DPH6: variants seen among roughly 807,000 people sequenced by gnomAD.
The protein encoded by DPH6 is diphthine--ammonia ligase.
A neutral mutation model predicts 38.2 loss-of-function variants in DPH6; 33 were observed. That is an observed-to-expected ratio of 0.86 (90% confidence interval 0.65 to 1.15). The LOEUF (loss-of-function observed/expected upper bound fraction) is 1.15. Among genes scored for constraint, DPH6 ranks in the 50% most tolerant of loss-of-function variants. The probability of loss-of-function intolerance (pLI) is 0.00; values close to 1 mark genes in which losing one functional copy is unlikely to be tolerated. For synonymous variants in DPH6, 108 were observed against 103.0 expected, an observed-to-expected ratio of 1.05 and a Z score of -0.30; for missense variants, 325 against 320.0, an observed-to-expected ratio of 1.02 and a Z score of -0.12.
intron 3 of DPH6, chr15:35,237,252 A>AAAGTGCTAAAACGCGCGGC (rs1333136295): frequency 9.6e-6 from 13 of 1,353,222 alleles, no homozygotes; most frequent in Non-Finnish European, 1.4e-5. Context: ...TTGAGCCTTG[A>AAAGTGCTAAAACGCGCGGC]AAGTGCTAAA....
intron 3 of DPH6, among the ~76,000 whole-genome samples, chr15:35,525,429 C>T (rs75960994): frequency 6.6e-6 from 1 of 152,142 alleles, no homozygotes; most frequent in Non-Finnish European, 1.5e-5. Flanking sequence ...CTCTCAGGAT[C>T]TACCTCATGT....
At chr15:35,443,659 T>C (rs962450895) in intron 5 of DPH6, among the ~76,000 whole-genome samples, 37 of 152,170 alleles carry the variant, frequency 2.4e-4, no homozygotes, top group African/African-American at 8.7e-4. Context: ...AACCCTTCCT[T>C]TGAAATGTAA....
chr15:35,522,106 T>C (rs757705669), intron 3 of DPH6: 6 of 1,612,688 alleles, frequency 3.7e-6, no homozygotes, highest in Non-Finnish European at 5.1e-6. Context: ...TACTTCACAT[T>C]TTGCAATCTC....
the DPH6 span, among the ~76,000 whole-genome samples, chr15:35,204,292 C>A: frequency 1.5e-4 from 23 of 151,858 alleles, no homozygotes; most frequent in African/African-American, 5.5e-4. Context: ...TTGATTAAAG[C>A]AAAGTCCAAA....
At chr15:35,383,694 C>A (rs1353197195) in intron 6 of DPH6, among the ~76,000 whole-genome samples, 1 of 152,162 alleles carries the variant, frequency 6.6e-6, no homozygotes, top group African/African-American at 2.4e-5. Flanking sequence ...GCTGAGGAAC[C>A]AGGAAATAGT....
chr15:35,328,760 G>A (rs2032184595), downstream of DPH6, among the ~76,000 whole-genome samples: 1 of 152,194 alleles, frequency 6.6e-6, no homozygotes, highest in Admixed American at 6.5e-5. Context: ...TTATGGGTCA[G>A]TGTATTAGTC....
chr15:35,259,546 CG>C (rs201829654), intron 3 of DPH6, among the ~76,000 whole-genome samples: 5,429 of 152,232 alleles, frequency 0.036, 385 homozygotes, highest in East Asian at 0.34. Context: ...TTCTACATTT[CG>C]TTTTTATATT....
At chr15:35,372,450 T>C in intron 8 of DPH6, 1 of 290,246 alleles carries the variant, frequency 3.4e-6, no homozygotes, top group East Asian at 5.8e-5. Context: ...TACACATGAA[T>C]TCAGTGCTTT....
intron 3 of DPH6, chr15:35,282,880 G>A (rs568999352): frequency 3.8e-5 from 13 of 341,694 alleles, no homozygotes; most frequent in Non-Finnish European, 6.0e-5. Flanking sequence ...AGACCCCATC[G>A]GGGGGTTCCA....
downstream of DPH6, among the ~76,000 whole-genome samples, chr15:35,366,367 G>A (rs2052660452): frequency 6.6e-6 from 1 of 151,784 alleles, no homozygotes; most frequent in African/African-American, 2.4e-5. Flanking sequence ...GAGTTCAATG[G>A]AAAGTTTTAA....
chr15:35,489,800 T>C (rs1164848384), intron 3 of DPH6: 3 of 981,402 alleles, frequency 3.1e-6, no homozygotes, highest in East Asian at 1.1e-4. Flanking sequence ...TCTACCTTCA[T>C]GTGCCGTTTT....
chr15:35,392,019 G>A (rs2140960328), intron 6 of DPH6, among the ~76,000 whole-genome samples: 1 of 132,488 alleles, frequency 7.5e-6, no homozygotes, highest in South Asian at 2.5e-4. Flanking sequence ...AGTGTGCTGT[G>A]TTCTCTTTTA....
chr15:35,265,517 G>A (rs1320229900), intron 3 of DPH6, among the ~76,000 whole-genome samples: 1 of 152,204 alleles, frequency 6.6e-6, no homozygotes, highest in Non-Finnish European at 1.5e-5. Flanking sequence ...AAGGTCTGGT[G>A]TGAATCTTAA....
Position 35,257,422 on chromosome 15 carries a change from G to A in DPH6, n.201-36840C>T, listed in dbSNP as rs181391101. On this transcript the variant is annotated intron_variant and non_coding_transcript_variant, in intron 3 of 3. Transcript: ENST00000560386. The stretch of plus-strand genomic sequence containing the variant: ...TTCCATACTCATGAATGAGAGATCC[G>A]CACTTCTTCAAAAGGTTGTTGATTG... 1.1e-3 allele frequency among the ~76,000 whole-genome samples: 172 copies of A among 152,226 alleles called. 1 individual carries two copies. The highest frequency in any genetic ancestry group is 2.4e-3 in the Admixed American group (37 of 15,284).
chr15:35,485,867 C>G (rs1003427588), intron 3 of DPH6, among the ~76,000 whole-genome samples: 2 of 152,144 alleles, frequency 1.3e-5, no homozygotes, highest in Non-Finnish European at 2.9e-5. Flanking sequence ...GCTTCTTAAG[C>G]CAGGACTCTT....
intron 3 of DPH6, among the ~76,000 whole-genome samples, chr15:35,292,858 C>T (rs144136054): frequency 1.3e-5 from 2 of 152,066 alleles, no homozygotes; most frequent in Admixed American, 1.3e-4. Context: ...TCTCATCTGT[C>T]GTAATATGTT....
chr15:35,534,364 C>CAAAAAAAA, intron 3 of DPH6, among the ~76,000 whole-genome samples: 1 of 125,020 alleles, frequency 8.0e-6, no homozygotes. Context: ...GCAACAAGAG[C>CAAAAAAAA]GTAACTCTGT....
Position 35,452,989 on chromosome 15 carries a change from T to C in DPH6, c.386+1758A>G, listed in dbSNP as rs117331198. Among the ~76,000 whole-genome samples the C allele has an allele frequency of 3.4e-3, 519 of 152,256 alleles. 3 individuals are homozygous for C. In the East Asian group the frequency reaches 0.042, roughly 12 times the overall value. On this transcript the variant is annotated intron_variant, in intron 4 of 8. Transcript: ENST00000256538. ...TTGTCCATAAAAAAATAAATCTTAG[T>C]TTAAAAAGGTAGAGAGGCTGTTTTG...
chr15:35,360,962 A>C lies in DPH6; in HGVS notation n.207+12559T>G, dbSNP rs1424639005. On this transcript the variant is annotated intron_variant and non_coding_transcript_variant, in intron 3 of 3. Coordinates refer to the DPH6 transcript ENST00000558973. ...GCAGGACTTCTCCCTACAGCAAAGC[A>C]GGGCTGTAGCTGAGTCACAGGTCTC... 2.0e-5 allele frequency among the ~76,000 whole-genome samples: 3 copies of C among 152,176 alleles called. No individual in the cohort carries two copies. The East Asian group carries it at 5.8e-4, about 29-fold the overall frequency.
Sources: allele counts gnomAD v4.1 joint callset (sites outside exome capture counted in the v4.1 genomes callset), GRCh38; gene constraint gnomAD v4.1.1; transcripts MANE v1.5; gene names NCBI Gene and HGNC (gene_info 2026-07-23, HGNC 2026-07-21).